The following PVT1 variants were observed in gnomAD, a reference collection of about 807,000 sequenced individuals.
PVT1 encodes CXCR4/PVT1 fusion.
chr8:127,897,359 AT>A (rs1815692183), intron 3 of PVT1, among the ~76,000 whole-genome samples: 1 of 152,168 alleles, frequency 6.6e-6, no homozygotes, highest in Non-Finnish European at 1.5e-5. Flanking sequence ...GAGGGAGCAT[AT>A]TTGATAAAGT....
At chr8:128,085,358 C>CA in intron 5 of PVT1, among the ~76,000 whole-genome samples, 1 of 152,106 alleles carries the variant, frequency 6.6e-6, no homozygotes, top group Middle Eastern at 3.4e-3. Context: ...AATTCTTGAC[C>CA]AAAAAAATCA....
chr8:127,941,910 C>G (rs1816355613), intron 3 of PVT1, among the ~76,000 whole-genome samples: 1 of 152,176 alleles, frequency 6.6e-6, no homozygotes, highest in African/African-American at 2.4e-5. Context: ...TGGGCCATGC[C>G]TCTCCTTCCT....
chr8:127,943,830 A>G (rs1816384246), intron 3 of PVT1, among the ~76,000 whole-genome samples: 1 of 152,144 alleles, frequency 6.6e-6, no homozygotes, highest in Non-Finnish European at 1.5e-5. Context: ...GGAAAAGAAA[A>G]CTGAGTTGAG....
intron 5 of PVT1, among the ~76,000 whole-genome samples, chr8:128,094,548 C>T (rs116556651): frequency 9.8e-4 from 150 of 152,360 alleles, no homozygotes; most frequent in African/African-American, 3.4e-3. Flanking sequence ...AAAATATTTA[C>T]TACTTGGCCC....
At chr8:127,860,986 C>T (rs1318798626) in intron 2 of PVT1, among the ~76,000 whole-genome samples, 2 of 152,116 alleles carry the variant, frequency 1.3e-5, no homozygotes, top group African/African-American at 4.8e-5. Context: ...CCACTGTGGA[C>T]GTGTCCCCAG....
intron 5 of PVT1, among the ~76,000 whole-genome samples, chr8:128,078,574 T>G (rs1168195111): frequency 6.6e-6 from 1 of 152,218 alleles, no homozygotes; most frequent in Non-Finnish European, 1.5e-5. Flanking sequence ...GTGGTGTTAT[T>G]GTTATTAGCC....
intron 2 of PVT1, among the ~76,000 whole-genome samples, chr8:127,824,041 A>C (rs1479976513): frequency 6.6e-6 from 1 of 152,156 alleles, no homozygotes; most frequent in African/African-American, 2.4e-5. Flanking sequence ...AAACATTAAA[A>C]AATTAGCCAT....
chr8:128,084,152 A>T (rs1237933777), intron 5 of PVT1, among the ~76,000 whole-genome samples: 1 of 152,092 alleles, frequency 6.6e-6, no homozygotes, highest in Admixed American at 6.5e-5. Flanking sequence ...AAAGCATGAG[A>T]CTAAACCACT....
At chr8:127,934,626 G>T (rs542639950) in intron 3 of PVT1, among the ~76,000 whole-genome samples, 1 of 151,698 alleles carries the variant, frequency 6.6e-6, no homozygotes, top group African/African-American at 2.4e-5. Flanking sequence ...ATTCCAAACT[G>T]ACTCCTTCAT....
At chr8:128,066,672 AC>A (rs1218578539) in intron 4 of PVT1, among the ~76,000 whole-genome samples, 12 of 152,288 alleles carry the variant, frequency 7.9e-5, no homozygotes, top group African/African-American at 2.9e-4. Flanking sequence ...GGTGTTGACC[AC>A]CACGCCTGTA....
intron 4 of PVT1, among the ~76,000 whole-genome samples, chr8:128,045,476 A>G (rs2720708): frequency 0.026 from 3,961 of 152,328 alleles, 141 homozygotes; most frequent in African/African-American, 0.082. Flanking sequence ...AAACTGATGC[A>G]TAAGTGTTAT....
chr8:127,925,384 A>C (rs1406144193), intron 3 of PVT1, among the ~76,000 whole-genome samples: 3 of 152,246 alleles, frequency 2.0e-5, no homozygotes, highest in Non-Finnish European at 2.9e-5. Context: ...ATCCAGCATC[A>C]TGTGATTAAG....
At position 128,067,951 on chromosome 8, in the gene PVT1, G is replaced by C. The variant is rs540779059; in HGVS notation, n.913-2209G>C. Among the ~76,000 whole-genome samples, 81 of 91,000 alleles carry C rather than the reference G, an allele frequency of 8.9e-4. 1 individual carries two copies. Among genetic ancestry groups the C allele is most frequent in the African/African-American group, 3.1e-3 (80 of 25,836 alleles). 59.7% of individuals were successfully genotyped at this position (91,000 alleles called of 152,430 possible). A position where few individuals can be genotyped will look rare whatever the true frequency, so the allele number is the denominator to read the frequency against. The stretch of plus-strand genomic sequence containing the variant: ...TTCTATTCTTGGACTAACATACTTT[G>C]TGTTTTTTTTTTTTTGGTTATCTTA... On this transcript the variant is annotated intron_variant and non_coding_transcript_variant, in intron 4 of 10. Transcript: ENST00000651587.
At chr8:127,861,230 CAG>C (rs946974777) in intron 2 of PVT1, among the ~76,000 whole-genome samples, 40 of 152,112 alleles carry the variant, frequency 2.6e-4, no homozygotes, top group African/African-American at 9.7e-4. Context: ...TTTATTGAGA[CAG>C]AGTTTCAAGT....
intron 2 of PVT1, among the ~76,000 whole-genome samples, chr8:127,865,656 AAC>A (rs1815279031): frequency 6.6e-6 from 1 of 152,240 alleles, no homozygotes; most frequent in Non-Finnish European, 1.5e-5. Flanking sequence ...TCCAGGAAGG[AAC>A]ACAGTCCTGC....
At chr8:128,063,404 C>A (rs1456793592) in intron 4 of PVT1, among the ~76,000 whole-genome samples, 1 of 152,134 alleles carries the variant, frequency 6.6e-6, no homozygotes, top group East Asian at 1.9e-4. Flanking sequence ...CCTAGCTACT[C>A]TGGAGGCTGA....
chr8:128,068,877 A>G (rs1296831816), intron 4 of PVT1, among the ~76,000 whole-genome samples: 2 of 152,216 alleles, frequency 1.3e-5, no homozygotes, highest in Non-Finnish European at 2.9e-5. Context: ...TTTTGGAGTA[A>G]CAATTTGTCA....
chr8:128,081,849 A>G (rs1482793357), intron 5 of PVT1, among the ~76,000 whole-genome samples: 2 of 152,236 alleles, frequency 1.3e-5, no homozygotes, highest in African/African-American at 4.8e-5. Context: ...ACCAAGGCTA[A>G]AACTAAACTA....
chr8:128,001,724 T>G (rs976033733), intron 4 of PVT1, among the ~76,000 whole-genome samples: 1 of 152,182 alleles, frequency 6.6e-6, no homozygotes, highest in Non-Finnish European at 1.5e-5. Flanking sequence ...AAAATTTATT[T>G]CTCATAGTTC....
Sources: gnomAD v4.1 joint callset for allele counts (sites outside exome capture counted in the v4.1 genomes callset) on GRCh38, gnomAD v4.1.1 for gene constraint, MANE v1.5 for transcripts, NCBI Gene and HGNC (gene_info 2026-07-23, HGNC 2026-07-21) for gene names.